Variants in GFOD2 observed in about 807,000 individuals in gnomAD.
GFOD2 encodes the protein Gfo/Idh/MocA-like oxidoreductase domain containing 2, also known as glucose-fructose oxidoreductase domain-containing protein 2.
In GFOD2, 9 loss-of-function variants were observed where a neutral mutation model predicts 24.6. The observed-to-expected ratio is 0.37, with a 90% CI of 0.22 to 0.64. The LOEUF is 0.64. GFOD2 is among the 30% of genes least tolerant of loss of function. GFOD2 has a pLI of 0.65. For synonymous variants in GFOD2, 211 were observed against 224.8 expected, an observed-to-expected ratio of 0.94 and a Z score of 0.55; for missense variants, 476 against 532.5, an observed-to-expected ratio of 0.89 and a Z score of 1.04.
At chr16:67,696,743 G>C (rs542939287) in intron 1 of GFOD2, among the ~76,000 whole-genome samples, 1 of 152,266 alleles carries the variant, frequency 6.6e-6, no homozygotes, top group African/African-American at 2.4e-5. Flanking sequence ...AAAGTGCCGG[G>C]ATTATAGGCG....
chr16:67,687,659 GA>G (rs967881819), intron 1 of GFOD2, among the ~76,000 whole-genome samples: 3 of 140,504 alleles, frequency 2.1e-5, no homozygotes, highest in African/African-American at 8.0e-5. Context: ...AAAAAAAAAA[GA>G]AAAAAAGAAA....
chr16:67,713,293 C>T (rs2053488425), intron 1 of GFOD2, among the ~76,000 whole-genome samples: 1 of 152,126 alleles, frequency 6.6e-6, no homozygotes, highest in South Asian at 2.1e-4. Context: ...TGCTTTCACA[C>T]CACAATAATC....
At chr16:67,696,634 C>T (rs920253018) in intron 1 of GFOD2, among the ~76,000 whole-genome samples, 2 of 150,732 alleles carry the variant, frequency 1.3e-5, no homozygotes, top group Middle Eastern at 3.4e-3. Flanking sequence ...CCACCACACC[C>T]GGCTAATTTT....
Position 67,675,206 on chromosome 16 carries a change from C to A in GFOD2, c.1107G>T (p.Glu369Asp), listed in dbSNP as rs201851129. 2.1e-5 allele frequency: 34 copies of A among 1,613,930 alleles called. No individual in the cohort carries two copies. The highest frequency in any genetic ancestry group is 3.3e-5 in the Admixed American group (2 of 60,032). Residue 369 changes from glutamate (E) to aspartate (D), a missense_variant, in exon 3 of 3, where the codon GAG becomes GAT. Coordinates refer to ENST00000268797, the MANE Select transcript of GFOD2 (RefSeq NM_030819.4). ...CACACAGGTTCTGGTTGGTGTCGGG[C>A]TCCTCCGTCAGCACCTCCACAGCCT... Reference protein sequence around the residue: ...EWEAVEVLTEEPDTNQNLCEA... With the variant: ...EWEAVEVLTEDPDTNQNLCEA...
intron 1 of GFOD2, among the ~76,000 whole-genome samples, chr16:67,692,360 T>A (rs1169830965): frequency 6.6e-6 from 1 of 151,830 alleles, no homozygotes; most frequent in Non-Finnish European, 1.5e-5. Context: ...GGTGGGCGGA[T>A]CACCTGAGAT....
intron 1 of GFOD2, among the ~76,000 whole-genome samples, chr16:67,711,227 A>G (rs1391880563): frequency 6.6e-6 from 1 of 152,226 alleles, no homozygotes; most frequent in African/African-American, 2.4e-5. Flanking sequence ...ACCAAGCTTC[A>G]GCTATCTCAT....
intron 1 of GFOD2, among the ~76,000 whole-genome samples, chr16:67,704,253 G>A (rs1438611617): frequency 6.6e-6 from 1 of 152,050 alleles, no homozygotes; most frequent in African/African-American, 2.4e-5. Context: ...TACCAGCTGA[G>A]ATAATTTTGG....
At chr16:67,714,473 CAAAAAAAAA>C (rs1265596335) in intron 1 of GFOD2, among the ~76,000 whole-genome samples, 2 of 53,674 alleles carry the variant, frequency 3.7e-5, no homozygotes, top group South Asian at 1.2e-3. Flanking sequence ...AACACTGTCT[CAAAAAAAAA>C]AAAAAAAAAA....
intron 1 of GFOD2, among the ~76,000 whole-genome samples, chr16:67,695,176 T>C (rs779912146): frequency 1.3e-5 from 2 of 152,030 alleles, no homozygotes; most frequent in Non-Finnish European, 2.9e-5. Flanking sequence ...TTTGTATTTT[T>C]AGTAGAGACA....
intron 1 of GFOD2, among the ~76,000 whole-genome samples, chr16:67,688,757 CGG>C (rs2053287372): frequency 1.5e-5 from 2 of 131,966 alleles, no homozygotes; most frequent in African/African-American, 5.9e-5. Context: ...TTTTTTGAGA[CGG>C]AGTCTCGCTC....
At chr16:67,698,798 T>A (rs1234306195) in intron 1 of GFOD2, among the ~76,000 whole-genome samples, 1 of 152,076 alleles carries the variant, frequency 6.6e-6, no homozygotes, top group Non-Finnish European at 1.5e-5. Flanking sequence ...TTTCTTTAAT[T>A]TGGCAGAAAG....
intron 1 of GFOD2, among the ~76,000 whole-genome samples, chr16:67,703,443 A>C (rs112606076): frequency 1.8e-3 from 277 of 152,152 alleles, no homozygotes; most frequent in East Asian, 6.0e-3. Context: ...GGAAAAAAAA[A>C]CCCTGTATTT....
chr16:67,713,666 G>A (rs1446578805), intron 1 of GFOD2, among the ~76,000 whole-genome samples: 2 of 152,178 alleles, frequency 1.3e-5, no homozygotes, highest in Non-Finnish European at 2.9e-5. Context: ...GATGAAGAAG[G>A]TGCATAGGGC....
intron 2 of GFOD2, chr16:67,681,384 A>T: frequency 1.0e-6 from 1 of 985,346 alleles, no homozygotes; most frequent in Non-Finnish European, 1.2e-6. Flanking sequence ...AGAGGTGAGG[A>T]AAGAGGGAAA....
At chr16:67,714,037 T>C (rs1160866369) in intron 1 of GFOD2, among the ~76,000 whole-genome samples, 3 of 152,086 alleles carry the variant, frequency 2.0e-5, no homozygotes, top group Non-Finnish European at 4.4e-5. Context: ...CACCAACCTA[T>C]TGAAATTGCA....
Position 67,675,092 on chromosome 16 carries a change from A to C in GFOD2, c.*63T>G, listed in dbSNP as rs2053172748. The C allele has an allele frequency of 2.0e-5, 30 of 1,516,968 alleles. No individual in the cohort carries two copies. The highest frequency in any genetic ancestry group is 2.5e-5 in the Non-Finnish European group (28 of 1,119,760). 94.0% of individuals were successfully genotyped at this position (1,516,968 alleles called of 1,614,324 possible). ...TCTCTGCTAGGGCCAAGTCCCTGTC[A>C]TGTCTGGCTCCTGTTCCCCTCCCTG... On this transcript the variant is annotated 3_prime_UTR_variant, in exon 3 of 3. Transcript: ENST00000268797.
intron 2 of GFOD2, chr16:67,682,668 A>C (rs1328341519): frequency 4.1e-6 from 4 of 985,386 alleles, no homozygotes; most frequent in Non-Finnish European, 4.8e-6. Context: ...GGTTAAGTCC[A>C]ATCATTAATT....
At chr16:67,684,980 T>C (rs1329527375) in intron 2 of GFOD2, 1 of 1,010,940 alleles carries the variant, frequency 9.9e-7, no homozygotes, top group Non-Finnish European at 1.2e-6. Context: ...CCTCCGGCAA[T>C]ACAAGACTGC....
chr16:67,700,448 C>T (rs1472661825), intron 1 of GFOD2, among the ~76,000 whole-genome samples: 1 of 151,812 alleles, frequency 6.6e-6, no homozygotes, highest in Non-Finnish European at 1.5e-5. Flanking sequence ...AGTCATTAGA[C>T]AGCATTAATT....
Sources: gnomAD v4.1 joint callset for allele counts (sites outside exome capture counted in the v4.1 genomes callset) on GRCh38, gnomAD v4.1.1 for gene constraint, MANE v1.5 for transcripts, NCBI Gene and HGNC (gene_info 2026-07-23, HGNC 2026-07-21) for gene names.